The following CADPS variants were observed in gnomAD, a reference collection of about 807,000 sequenced individuals.
The protein encoded by CADPS is calcium dependent secretion activator.
Under a neutral mutation model 167.3 loss-of-function variants are expected in CADPS, and 57 were observed. The ratio of observed to expected loss-of-function variants is 0.34; its 90% CI spans 0.28 to 0.42. The LOEUF is 0.42. Ranked by LOEUF, CADPS falls within the 20% of genes least tolerant of loss-of-function variation. CADPS has a pLI of 1.00. For synonymous variants in CADPS, 676 were observed against 635.3 expected (o/e 1.06, Z -0.96); for missense variants, 1,414 against 1,738.1 (o/e 0.81, Z 3.32).
intron 26 of CADPS, among the ~76,000 whole-genome samples, chr3:62,459,393 A>G (rs531538176): frequency 6.6e-6 from 1 of 152,282 alleles, no homozygotes; most frequent in Non-Finnish European, 1.5e-5. Context: ...CTCCTTCATG[A>G]TCAGGCTCCT....
chr3:62,679,361 GGATGCTGGTCCAGAGAGATGCTGGTCCA>G (rs1412616080), intron 3 of CADPS, among the ~76,000 whole-genome samples: 2 of 151,976 alleles, frequency 1.3e-5, no homozygotes, highest in Non-Finnish European at 2.9e-5. Flanking sequence ...TCCTAGAGGT[GGATGCTGGTCCAGAGAGATGCTGGTCCA>G]GATGCTGGTC....
rs747101635 is a variant in CADPS, at chr3:62,682,777, GA to G, written c.889-20384del. ...GTACAGGTCCTAAGAATACAATGAAGAGTATAAAGAAACTGTTTTTTCCTCA... is the reference window on the plus strand; with the variant it reads ...GTACAGGTCCTAAGAATACAATGAAGGTATAAAGAAACTGTTTTTTCCTCA... On this transcript the variant is annotated intron_variant, in intron 3 of 29. Transcript: ENST00000383710. Among the ~76,000 whole-genome samples, 145 of 152,094 alleles carry G rather than the reference GA, an allele frequency of 9.5e-4. 1 individual carries two copies. Among genetic ancestry groups the G allele is most frequent in the Non-Finnish European group, 9.4e-4 (64 of 67,972 alleles).
At chr3:62,454,308 A>T (rs780149879) in intron 26 of CADPS, among the ~76,000 whole-genome samples, 1 of 152,194 alleles carries the variant, frequency 6.6e-6, no homozygotes, top group Non-Finnish European at 1.5e-5. Flanking sequence ...TCATATATAA[A>T]ATCAGGATGC....
chr3:62,402,268 T>G (rs1706636162), intron 29 of CADPS, among the ~76,000 whole-genome samples: 1 of 142,746 alleles, frequency 7.0e-6, no homozygotes. Context: ...GGAGTGGGTG[T>G]TGCAGGGACT....
At chr3:62,735,978 AC>A (rs1466096066) in intron 3 of CADPS, among the ~76,000 whole-genome samples, 2 of 152,190 alleles carry the variant, frequency 1.3e-5, no homozygotes, top group African/African-American at 4.8e-5. Flanking sequence ...AGTCAGCTAG[AC>A]CAGTGGGATC....
chr3:62,507,212 G>A lies in CADPS; in HGVS notation c.2599+5539C>T, dbSNP rs1165655960. ...AGAGGCAAACACTGAAACAAGGCTA[G>A]GGAACACCCCAGTCAGTTCTTCTTA... On this transcript the variant is annotated intron_variant, in intron 17 of 29. Transcript: ENST00000383710. Among the ~76,000 whole-genome samples the A allele has an allele frequency of 2.6e-5, 4 of 152,238 alleles. No homozygotes were observed. The South Asian group carries it at 8.3e-4, about 32-fold the overall frequency.
intron 6 of CADPS, among the ~76,000 whole-genome samples, chr3:62,599,605 A>C (rs2059422339): frequency 1.3e-5 from 1 of 78,886 alleles, no homozygotes; most frequent in Admixed American, 2.4e-4. Flanking sequence ...TTATATATTT[A>C]TTATATTATA....
At chr3:62,519,840 G>A (rs1403208503) in intron 13 of CADPS, among the ~76,000 whole-genome samples, 1 of 152,068 alleles carries the variant, frequency 6.6e-6, no homozygotes, top group Non-Finnish European at 1.5e-5. Flanking sequence ...TTAGATAACA[G>A]GATGAATTTA....
chr3:62,720,245 A>G (rs113973784), intron 3 of CADPS, among the ~76,000 whole-genome samples: 42 of 152,254 alleles, frequency 2.8e-4, no homozygotes, highest in Middle Eastern at 3.4e-3. Context: ...TGTGTCAGAC[A>G]TAGGCTTTAT....
chr3:62,504,906 A>C (rs899719262), intron 17 of CADPS, among the ~76,000 whole-genome samples: 24 of 152,210 alleles, frequency 1.6e-4, no homozygotes, highest in African/African-American at 5.8e-4. Flanking sequence ...CTCTGGCTCT[A>C]GCTAGTGAAT....
intron 7 of CADPS, among the ~76,000 whole-genome samples, chr3:62,591,644 A>G (rs1164268681): frequency 2.0e-5 from 3 of 152,214 alleles, no homozygotes; most frequent in African/African-American, 2.4e-5. Flanking sequence ...GGCAAAATCA[A>G]CTTGTGAAAA....
chr3:62,831,380 A>G (rs2075048836), intron 1 of CADPS, among the ~76,000 whole-genome samples: 1 of 152,182 alleles, frequency 6.6e-6, no homozygotes, highest in African/African-American at 2.4e-5. Flanking sequence ...CCGTGCTTTT[A>G]TCCCCTGCAT....
At chr3:62,534,406 T>C (rs1238653591) in intron 12 of CADPS, among the ~76,000 whole-genome samples, 1 of 152,142 alleles carries the variant, frequency 6.6e-6, no homozygotes, top group Non-Finnish European at 1.5e-5. Context: ...CAGTGATGCA[T>C]CCAACGAAAG....
chr3:62,764,065 CT>C (rs1415195825), intron 2 of CADPS, among the ~76,000 whole-genome samples: 1 of 152,026 alleles, frequency 6.6e-6, no homozygotes, highest in East Asian at 1.9e-4. Flanking sequence ...GTCAAATGAG[CT>C]TTCTAATTAA....
At chr3:62,664,023 C>G (rs1011356563) in intron 3 of CADPS, among the ~76,000 whole-genome samples, 2 of 151,976 alleles carry the variant, frequency 1.3e-5, no homozygotes, top group African/African-American at 4.8e-5. Context: ...TTTTTTTTCC[C>G]CCGAGATGAG....
At chr3:62,408,039 G>C (rs1373372371) in intron 28 of CADPS, among the ~76,000 whole-genome samples, 17 of 152,110 alleles carry the variant, frequency 1.1e-4, no homozygotes, top group Admixed American at 1.1e-3. Flanking sequence ...CTGGCCCATG[G>C]ACATACTTTC....
At chr3:62,685,194 G>T (rs1386456714) in intron 3 of CADPS, among the ~76,000 whole-genome samples, 1 of 151,926 alleles carries the variant, frequency 6.6e-6, no homozygotes, top group Non-Finnish European at 1.5e-5. Flanking sequence ...AGATGAAAAC[G>T]GAGTGGTGAT....
chr3:62,862,219 T>C (rs564384298), intron 1 of CADPS, among the ~76,000 whole-genome samples: 1 of 130,120 alleles, frequency 7.7e-6, no homozygotes, highest in African/African-American at 2.8e-5. Flanking sequence ...AAACAGTGGT[T>C]TTTTTTTTTT....
intron 1 of CADPS, among the ~76,000 whole-genome samples, chr3:62,844,316 G>C (rs1412285554): frequency 1.3e-5 from 2 of 152,174 alleles, no homozygotes. Flanking sequence ...ATGGGAAACA[G>C]TAAAACCATC....
Sources: gnomAD v4.1 joint callset for allele counts (sites outside exome capture counted in the v4.1 genomes callset) on GRCh38, gnomAD v4.1.1 for gene constraint, MANE v1.5 for transcripts, NCBI Gene and HGNC (gene_info 2026-07-23, HGNC 2026-07-21) for gene names.